The following SETBP1 variants were observed in gnomAD, a reference collection of about 807,000 sequenced individuals.
SETBP1 encodes SET-binding protein.
Under a neutral mutation model 101.0 loss-of-function variants are expected in SETBP1, and 9 were observed. The observed-to-expected ratio is 0.09, with a 90% CI of 0.05 to 0.16. The LOEUF (loss-of-function observed/expected upper bound fraction) is 0.16. SETBP1 is among the 10% of genes least tolerant of loss of function. The probability of loss-of-function intolerance (pLI) is 1.00; values close to 1 mark genes in which losing one functional copy is unlikely to be tolerated. For synonymous variants in SETBP1, 818 were observed against 788.5 expected, an observed-to-expected ratio of 1.04 and a Z score of -0.63; for missense variants, 1,858 against 2,033.8, an observed-to-expected ratio of 0.91 and a Z score of 1.66.
At chr18:45,048,227 C>CACTGAG (rs58871189) in intron 5 of SETBP1, among the ~76,000 whole-genome samples, 2,138 of 152,234 alleles carry the variant, frequency 0.014, 54 homozygotes, top group African/African-American at 0.05. Flanking sequence ...CACAGAGTCT[C>CACTGAG]ACTGAGACTT....
chr18:44,916,135 A>G (rs1351753846), intron 3 of SETBP1, among the ~76,000 whole-genome samples: 2 of 152,184 alleles, frequency 1.3e-5, no homozygotes, highest in East Asian at 1.9e-4. Flanking sequence ...CTGAGGCACA[A>G]GAATCTCTTG....
At chr18:44,994,285 T>C (rs1225336977) in intron 4 of SETBP1, among the ~76,000 whole-genome samples, 1 of 152,188 alleles carries the variant, frequency 6.6e-6, no homozygotes, top group East Asian at 1.9e-4. Flanking sequence ...AATCAGATTA[T>C]AGGATTACTC....
At chr18:44,984,771 G>T (rs1019537564) in intron 4 of SETBP1, among the ~76,000 whole-genome samples, 7 of 152,172 alleles carry the variant, frequency 4.6e-5, no homozygotes, top group African/African-American at 1.7e-4. Flanking sequence ...CATTGCTAAT[G>T]TACCTTGCAG....
intron 2 of SETBP1, among the ~76,000 whole-genome samples, chr18:44,837,251 A>G (rs2072517160): frequency 6.6e-6 from 1 of 152,174 alleles, no homozygotes; most frequent in Non-Finnish European, 1.5e-5. Context: ...GCACAGAATA[A>G]GAGTGCTTCA....
chr18:44,704,513 C>T (rs1464498378), intron 2 of SETBP1, among the ~76,000 whole-genome samples: 1 of 152,180 alleles, frequency 6.6e-6, no homozygotes, highest in Non-Finnish European at 1.5e-5. Flanking sequence ...TTTATTTATG[C>T]CTAGCACTGT....
chr18:44,974,421 G>C (rs1365869403), intron 4 of SETBP1, among the ~76,000 whole-genome samples: 1 of 152,214 alleles, frequency 6.6e-6, no homozygotes, highest in Admixed American at 6.5e-5. Context: ...GCTGAGGATA[G>C]AGACTGCAGG....
At chr18:44,776,201 C>T (rs1468231343) in intron 2 of SETBP1, among the ~76,000 whole-genome samples, 1 of 152,134 alleles carries the variant, frequency 6.6e-6, no homozygotes, top group Non-Finnish European at 1.5e-5. Flanking sequence ...CTTTAGGATA[C>T]TTTCTCCCCT....
chr18:44,732,404 A>T (rs909417072), intron 2 of SETBP1, among the ~76,000 whole-genome samples: 1 of 152,210 alleles, frequency 6.6e-6, no homozygotes, highest in Non-Finnish European at 1.5e-5. Flanking sequence ...TGTGCTGAGC[A>T]GACATCCAGT....
chr18:44,876,696 C>A (rs766522234), intron 3 of SETBP1: 1 of 1,504,434 alleles, frequency 6.6e-7, no homozygotes, highest in South Asian at 1.2e-5. Flanking sequence ...CCGCAAAACC[C>A]GGTTCTCTCA....
chr18:44,992,370 G>T, intron 4 of SETBP1, among the ~76,000 whole-genome samples: 1 of 151,886 alleles, frequency 6.6e-6, no homozygotes, highest in East Asian at 1.9e-4. Context: ...TTTTGGCTAA[G>T]ATCAAGTGAT....
chr18:44,904,691 G>T (rs903763587), intron 3 of SETBP1, among the ~76,000 whole-genome samples: 1 of 152,174 alleles, frequency 6.6e-6, no homozygotes, highest in African/African-American at 2.4e-5. Flanking sequence ...ACTATGTGAT[G>T]GTTCAGGGCC....
At chr18:44,816,163 G>A (rs1309067506) in intron 2 of SETBP1, among the ~76,000 whole-genome samples, 1 of 152,222 alleles carries the variant, frequency 6.6e-6, no homozygotes, top group Admixed American at 6.5e-5. Flanking sequence ...ATGCAAGGCA[G>A]GTGGGGAAGG....
chr18:45,038,789 CCGT>C lies in SETBP1; in HGVS notation c.4171+135_4171+137del. Reference sequence around the variant, plus strand: ...CTCCCCTAGACTCTGAACATGGGAGCCGTTTCAGCACTGGCTCTTTGAAGTGGG... The same window carrying C: ...CTCCCCTAGACTCTGAACATGGGAGCTTCAGCACTGGCTCTTTGAAGTGGG... On this transcript the variant is annotated intron_variant, in intron 5 of 5. Coordinates refer to ENST00000649279, the MANE Select transcript of SETBP1 (RefSeq NM_015559.3). The C allele has an allele frequency of 3.4e-6, 3 of 881,052 alleles. No individual in the cohort carries two copies. The South Asian group carries it at 4.5e-5, about 13-fold the overall frequency. 54.6% of individuals were successfully genotyped at this position (881,052 alleles called of 1,614,324 possible). A position where few individuals can be genotyped will look rare whatever the true frequency, so the allele number is the denominator to read the frequency against.
chr18:44,752,315 AG>A (rs1187834536), intron 2 of SETBP1, among the ~76,000 whole-genome samples: 1 of 152,222 alleles, frequency 6.6e-6, no homozygotes, highest in East Asian at 1.9e-4. Flanking sequence ...GGATGAGCCC[AG>A]GACTATCTTC....
chr18:45,010,914 CA>C (rs2072824870), intron 4 of SETBP1, among the ~76,000 whole-genome samples: 1 of 152,106 alleles, frequency 6.6e-6, no homozygotes, highest in Non-Finnish European at 1.5e-5. Context: ...TAAAGGAAAG[CA>C]AAGTTCTAAT....
chr18:44,966,511 G>A (rs1223411640), intron 4 of SETBP1, among the ~76,000 whole-genome samples: 4 of 151,942 alleles, frequency 2.6e-5, no homozygotes, highest in Non-Finnish European at 5.9e-5. Flanking sequence ...GCCTTATATT[G>A]TTTACCTTTA....
At position 45,043,063 on chromosome 18, in the gene SETBP1, A is replaced by G. The variant is rs141309004; in HGVS notation, c.4171+4408A>G. On this transcript the variant is annotated intron_variant, in intron 5 of 5. Coordinates refer to ENST00000649279, the MANE Select transcript of SETBP1 (RefSeq NM_015559.3). ...CAACTTCTATTACACTAGCCCAATC[A>G]TGATTTAATAATCATATCAGATAAT... 3.9e-3 allele frequency among the ~76,000 whole-genome samples: 596 copies of G among 152,346 alleles called. 5 individuals carry two copies. The highest frequency in any genetic ancestry group is 0.013 in the African/African-American group (556 of 41,582).
intron 1 of SETBP1, among the ~76,000 whole-genome samples, chr18:44,682,482 C>T (rs937023865): frequency 3.9e-5 from 6 of 152,152 alleles, no homozygotes; most frequent in African/African-American, 1.4e-4. Context: ...CACTCCCTCC[C>T]TTTTTTTCTG....
At chr18:45,008,563 G>C (rs2072775641) in intron 4 of SETBP1, among the ~76,000 whole-genome samples, 2 of 152,210 alleles carry the variant, frequency 1.3e-5, no homozygotes, top group African/African-American at 4.8e-5. Flanking sequence ...CAGTTTGATA[G>C]ACCAGATTTC....
Sources: allele counts gnomAD v4.1 joint callset (sites outside exome capture counted in the v4.1 genomes callset), GRCh38; gene constraint gnomAD v4.1.1; transcripts MANE v1.5; gene names NCBI Gene and HGNC (gene_info 2026-07-23, HGNC 2026-07-21).